Variants in PPP4C observed in about 807,000 individuals in gnomAD.
PPP4C encodes the protein serine/threonine-protein phosphatase 4 catalytic subunit.
In PPP4C, 10 loss-of-function variants were observed where a neutral mutation model predicts 40.5. That is an observed-to-expected ratio of 0.25 (90% confidence interval 0.15 to 0.42). The LOEUF is 0.42. PPP4C is among the 10% of genes least tolerant of loss of function. The pLI is 1.00. For missense variants in PPP4C, 191 were observed against 416.4 expected (o/e 0.46, Z 4.71); for synonymous variants, 187 against 163.6 (o/e 1.14, Z -1.09).
At chr16:30,084,551 C>G in intron 7 of PPP4C, 115 bp from the exon 8 acceptor site, 3 of 916,616 alleles carry the variant, frequency 3.3e-6, no homozygotes, top group Non-Finnish European at 5.2e-6. Context: ...ATGCTCTGGT[C>G]CCACGGGCCT....
In PPP4C at chr16:30,085,313, T is replaced by C; in HGVS notation, c.*251T>C. 2.6e-6 allele frequency: 1 copy of C among 380,166 alleles called. No individual in the cohort carries two copies. The allele number at this position is 380,166 out of a possible 1,614,324, so 23.5% of individuals were successfully genotyped here. Reference sequence around the variant, plus strand: ...TTCTTTTTTTCCTTCTTTTTTCTGTTTGTTTTTAGATAAAAATTTTGAGAA... The same window carrying C: ...TTCTTTTTTTCCTTCTTTTTTCTGTCTGTTTTTAGATAAAAATTTTGAGAA... On this transcript the variant is annotated 3_prime_UTR_variant, in exon 9 of 9. Coordinates refer to ENST00000279387, the MANE Select transcript of PPP4C (RefSeq NM_002720.3).
Position 30,083,981 on chromosome 16 carries a change from C to G in PPP4C, c.604+200C>G, listed in dbSNP as rs2072561237. 6.6e-6 allele frequency among the ~76,000 whole-genome samples: 1 copy of G among 152,222 alleles called. No individual in the cohort carries two copies. The highest frequency in any genetic ancestry group is 1.5e-5 in the Non-Finnish European group (1 of 68,026). On this transcript the variant is annotated intron_variant, in intron 7 of 8. Coordinates refer to ENST00000279387, the MANE Select transcript of PPP4C (RefSeq NM_002720.3). The surrounding 1 kb of genome is among the most constrained non-coding windows in gnomAD (Gnocchi z 6.3). ...TGGCCCAGAGGGCTGTGGAGGACAA[C>G]CAAGTCATGGCTCCCTGAAGTGAAG...
chr16:30,085,010 A>C lies in PPP4C; in HGVS notation c.872A>C (p.Gln291Pro). 6.2e-7 allele frequency: 1 copy of C among 1,614,148 alleles called. No homozygotes were observed. The highest frequency in any genetic ancestry group is 8.5e-7 in the Non-Finnish European group (1 of 1,180,028). Residue 291 changes from glutamine to proline, a missense_variant, in exon 9 of 9, where the codon CAA becomes CCA. Gln to Pro is a moderately conservative substitution (Grantham distance 76). Coordinates refer to ENST00000279387, the MANE Select transcript of PPP4C (RefSeq NM_002720.3). ...KDFIIFEAAP[Q>P]ETRGIPSKKP... ...TTCATCATCTTTGAGGCTGCTCCCC[A>C]AGAGACACGGGGCATCCCCTCCAAG...
Position 30,085,143 on chromosome 16 carries a change from G to A in PPP4C, c.*81G>A. On this transcript the variant is annotated 3_prime_UTR_variant, in exon 9 of 9. Coordinates refer to ENST00000279387, the MANE Select transcript of PPP4C (RefSeq NM_002720.3). Reference sequence around the variant, plus strand: ...TGCCATCTTCCTCAGACGGAGGCTGGGCGTGGGGGGGGCTGTCCTGGCTCT... The same window carrying A: ...TGCCATCTTCCTCAGACGGAGGCTGAGCGTGGGGGGGGCTGTCCTGGCTCT... The A allele has an allele frequency of 6.7e-7, 1 of 1,499,540 alleles. No homozygotes were observed. 92.9% of individuals were successfully genotyped at this position (1,499,540 alleles called of 1,614,324 possible).
chr16:30,079,866 T>C (rs2072471076), intron 2 of PPP4C, among the ~76,000 whole-genome samples: 1 of 152,168 alleles, frequency 6.6e-6, no homozygotes, highest in Non-Finnish European at 1.5e-5. Flanking sequence ...CTGGTTCATA[T>C]CCCACCTGTG....
At chr16:30,080,803 C>G (rs1293254257) in intron 2 of PPP4C, among the ~76,000 whole-genome samples, 3 of 152,212 alleles carry the variant, frequency 2.0e-5, no homozygotes, top group African/African-American at 7.2e-5. Context: ...CCGCACCTGG[C>G]CAAGAGCGCA....
At chr16:30,079,860 T>A (rs1014949232) in intron 2 of PPP4C, among the ~76,000 whole-genome samples, 1 of 152,132 alleles carries the variant, frequency 6.6e-6, no homozygotes, top group Non-Finnish European at 1.5e-5. Context: ...GCTTCCCTGG[T>A]TCATATCCCA....
intron 4 of PPP4C, 44 bp downstream of exon 4, chr16:30,082,578 T>C: frequency 6.3e-7 from 1 of 1,596,734 alleles, no homozygotes; most frequent in East Asian, 2.2e-5. Context: ...GGGGGATGAC[T>C]GGAAGACCCC....
chr16:30,077,138 A>G (rs1051112600), intron 2 of PPP4C, among the ~76,000 whole-genome samples: 1 of 152,126 alleles, frequency 6.6e-6, no homozygotes, highest in South Asian at 2.1e-4. Context: ...GGGAAGTAGG[A>G]TGATGTAGTG....
At chr16:30,080,569 C>T (rs1424314537) in intron 2 of PPP4C, among the ~76,000 whole-genome samples, 3 of 147,112 alleles carry the variant, frequency 2.0e-5, no homozygotes, top group African/African-American at 5.1e-5. Flanking sequence ...TGCAGTGGCG[C>T]GATCTTAGCT....
At position 30,076,006 on chromosome 16, in the gene PPP4C, A is replaced by AGCGGCGGCG. The variant is rs536280015; in HGVS notation, c.-135_-127dup. ...CTTCCGCGGCGGGGCCGGAAGTAGG[A>AGCGGCGGCG]GCGGCGGCGGCGGCGGCGGCGGCGG... is the stretch of plus-strand genomic sequence containing the variant. On this transcript the variant is annotated 5_prime_UTR_variant, in exon 1 of 9. Transcript: ENST00000279387. 0.013 allele frequency: 4,450 copies of AGCGGCGGCG among 351,834 alleles called. 105 individuals carry two copies. Among genetic ancestry groups the AGCGGCGGCG allele is most frequent in the Middle Eastern group, 0.055 (62 of 1,130 alleles). 21.8% of individuals were successfully genotyped at this position (351,834 alleles called of 1,614,324 possible).
intron 4 of PPP4C, 49 bp from the exon 5 acceptor site, chr16:30,082,695 AGG>A (rs773987820): frequency 6.4e-7 from 1 of 1,558,808 alleles, no homozygotes; most frequent in Non-Finnish European, 8.8e-7. Flanking sequence ...AGAAACAGGT[AGG>A]GGGTAGGGGA....
chr16:30,076,281 C>T, intron 1 of PPP4C, 34 bp from the exon 2 acceptor site: 4 of 1,263,550 alleles, frequency 3.2e-6, no homozygotes, highest in Non-Finnish European at 4.5e-6. Context: ...CCCGGACGGA[C>T]ACTGATCCGC....
At position 30,083,710 on chromosome 16, in the gene PPP4C, G is replaced by A. The variant is rs1194846390; in HGVS notation, c.533G>A (p.Arg178Gln). 3.7e-6 allele frequency: 6 copies of A among 1,614,132 alleles called. No homozygotes were observed. Among genetic ancestry groups the A allele is most frequent in the Non-Finnish European group, 3.4e-6 (4 of 1,180,008 alleles). Residue 178 changes from arginine to glutamine, a missense_variant, in exon 7 of 9, where the codon CGG becomes CAG. This residue lies in a region of PPP4C where 171 missense variants were observed against 352.4 expected (regional missense o/e 0.49). Coordinates refer to ENST00000279387, the MANE Select transcript of PPP4C (RefSeq NM_002720.3). This position sits in a 1 kb window ranked among gnomAD's most constrained non-coding sequence, Gnocchi z 6.3. ...SPSIQTLDQI[R>Q]TIDRKQEVPH... ...TCCATCCAGACCCTGGATCAGATTCGGACAATCGACCGAAAGCAAGAGGTG... is the reference window on the plus strand; with the variant it reads ...TCCATCCAGACCCTGGATCAGATTCAGACAATCGACCGAAAGCAAGAGGTG...
chr16:30,084,551 C>A, intron 7 of PPP4C, 115 bp from the exon 8 acceptor site: 3 of 916,614 alleles, frequency 3.3e-6, no homozygotes, highest in Non-Finnish European at 5.2e-6. Flanking sequence ...ATGCTCTGGT[C>A]CCACGGGCCT....
rs768083047 is a variant in PPP4C at position 30,082,851 on chromosome 16, G to A, written c.303+4G>A. On this transcript the variant is annotated splice_donor_region_variant and intron_variant, in intron 5 of 8. Coordinates refer to ENST00000279387, the MANE Select transcript of PPP4C (RefSeq NM_002720.3). ...CCTCCTGCTGCTGGCACTTAAGGTGGCAGTCCCCGGCTTCTGCACCCCCAA... is the reference window on the plus strand; with the variant it reads ...CCTCCTGCTGCTGGCACTTAAGGTGACAGTCCCCGGCTTCTGCACCCCCAA... The A allele has an allele frequency of 6.2e-7, 1 of 1,613,126 alleles. No homozygotes were observed. The highest frequency in any genetic ancestry group is 1.1e-5 in the South Asian group (1 of 91,042).
chr16:30,077,985 T>C (rs1172231974), intron 2 of PPP4C, among the ~76,000 whole-genome samples: 1 of 152,202 alleles, frequency 6.6e-6, no homozygotes, highest in Admixed American at 6.6e-5. Context: ...TTTTCTCTTT[T>C]GCCAGCTGAC....
chr16:30,077,752 T>C (rs942824940), intron 2 of PPP4C, among the ~76,000 whole-genome samples: 2 of 152,212 alleles, frequency 1.3e-5, no homozygotes, highest in East Asian at 1.9e-4. Flanking sequence ...TCCTATGAGG[T>C]TGGAATCATT....
At chr16:30,079,478 G>A (rs1168704952) in intron 2 of PPP4C, among the ~76,000 whole-genome samples, 9 of 152,112 alleles carry the variant, frequency 5.9e-5, no homozygotes, top group African/African-American at 1.2e-4. Context: ...ATGAGCCACC[G>A]CGCCCGGCCT....
Sources: gnomAD v4.1 joint callset for allele counts (sites outside exome capture counted in the v4.1 genomes callset) on GRCh38, gnomAD v4.1.1 for gene constraint, gnomAD v4.1.1 regional missense constraint, Gnocchi (gnomAD v3.1) non-coding constraint, MANE v1.5 for transcripts, NCBI Gene and HGNC (gene_info 2026-07-23, HGNC 2026-07-21) for gene names.